GALNT9: variants seen among roughly 807,000 people sequenced by gnomAD.
The protein encoded by GALNT9 is polypeptide N-acetylgalactosaminyltransferase 9, also known as GalNAc transferase 9.
Under a neutral mutation model 63.1 loss-of-function variants are expected in GALNT9, and 47 were observed. The ratio of observed to expected loss-of-function variants is 0.75; its 90% CI spans 0.59 to 0.95. GALNT9 has a LOEUF of 0.95. GALNT9 is among the 40% of genes least tolerant of loss of function. GALNT9 has a pLI of 0.00. For synonymous variants in GALNT9, 396 were observed against 365.7 expected (o/e 1.08, Z -0.94); for missense variants, 829 against 874.8 (o/e 0.95, Z 0.66).
chr12:132,326,022 G>A (rs941222653), intron 1 of GALNT9, among the ~76,000 whole-genome samples: 3 of 152,258 alleles, frequency 2.0e-5, no homozygotes, highest in Admixed American at 6.5e-5. Flanking sequence ...ATGCCTTAGC[G>A]CTGCCCAGGC....
At chr12:132,264,344 G>A (rs1555240008) in intron 2 of GALNT9, among the ~76,000 whole-genome samples, 1 of 152,228 alleles carries the variant, frequency 6.6e-6, no homozygotes, top group African/African-American at 2.4e-5. Flanking sequence ...TCTGCTCTCC[G>A]CTCAGCAGCA....
intron 2 of GALNT9, among the ~76,000 whole-genome samples, chr12:132,267,757 A>ACACACACTCACACACACT (rs146217743): frequency 1.4e-4 from 20 of 144,404 alleles, no homozygotes; most frequent in African/African-American, 5.5e-4. Context: ...ACACACACTC[A>ACACACACTCACACACACT]CACACACATG....
chr12:132,230,209 A>G (rs1482839643), intron 6 of GALNT9, among the ~76,000 whole-genome samples: 1 of 151,748 alleles, frequency 6.6e-6, no homozygotes, highest in Non-Finnish European at 1.5e-5. Flanking sequence ...GAGTCCACGC[A>G]CCCCCTGCCA....
chr12:132,294,854 G>A (rs79659728), intron 1 of GALNT9, among the ~76,000 whole-genome samples: 12,439 of 152,274 alleles, frequency 0.082, 597 homozygotes, highest in Non-Finnish European at 0.1. Flanking sequence ...TGCCGTGGGC[G>A]CCTCGCAGCA....
At chr12:132,250,785 G>A (rs1047840137) in intron 5 of GALNT9, among the ~76,000 whole-genome samples, 16 of 142,008 alleles carry the variant, frequency 1.1e-4, no homozygotes, top group South Asian at 2.3e-4. Context: ...AGGGGATTCC[G>A]TCTCAAACGA....
At chr12:132,199,963 G>A (rs1439742439) in intron 8 of GALNT9, among the ~76,000 whole-genome samples, 1 of 152,036 alleles carries the variant, frequency 6.6e-6, no homozygotes, top group East Asian at 1.9e-4. Flanking sequence ...GTTTGAATTG[G>A]GACCGTTGAG....
rs1034192170 is a variant in GALNT9 at position 132,258,793 on chromosome 12, G to A, written c.762-907C>T. 1.7e-4 allele frequency among the ~76,000 whole-genome samples: 26 copies of A among 152,322 alleles called. 1 individual carries two copies. Among genetic ancestry groups the A allele is most frequent in the Non-Finnish European group, 3.4e-4 (23 of 68,022 alleles). ...GTCCTGGGAAGCAGGTGCAGCCCTCGCCCTTGGAGACGCCATGGTCTACCG... is the reference window on the plus strand; with the variant it reads ...GTCCTGGGAAGCAGGTGCAGCCCTCACCCTTGGAGACGCCATGGTCTACCG... On this transcript the variant is annotated intron_variant, in intron 4 of 10. Coordinates refer to ENST00000328957, the MANE Select transcript of GALNT9 (RefSeq NM_001122636.2).
intron 1 of GALNT9, 79 bp downstream of exon 1, chr12:132,328,887 C>T: frequency 7.2e-7 from 1 of 1,398,092 alleles, no homozygotes; most frequent in Non-Finnish European, 9.3e-7. Flanking sequence ...GCACCCGAGG[C>T]CGGCCTGACC....
intron 7 of GALNT9, among the ~76,000 whole-genome samples, chr12:132,202,654 C>CTT (rs140493169): frequency 0.041 from 6,271 of 152,170 alleles, 424 homozygotes; most frequent in African/African-American, 0.14. Flanking sequence ...AGATCTGGCT[C>CTT]ATTAGGGTTG....
intron 6 of GALNT9, among the ~76,000 whole-genome samples, chr12:132,227,033 C>A (rs1416699055): frequency 6.8e-6 from 1 of 146,836 alleles, no homozygotes; most frequent in Non-Finnish European, 1.5e-5. Flanking sequence ...CATACACACA[C>A]ACACCCACAC....
At chr12:132,229,412 C>T (rs36160753) in intron 6 of GALNT9, among the ~76,000 whole-genome samples, 6,311 of 152,354 alleles carry the variant, frequency 0.041, 184 homozygotes, top group East Asian at 0.089. Flanking sequence ...GAATAACTCG[C>T]TTCCCTTTGA....
chr12:132,317,057 C>T (rs2135588455), intron 1 of GALNT9, among the ~76,000 whole-genome samples: 1 of 151,168 alleles, frequency 6.6e-6, no homozygotes, highest in African/African-American at 2.4e-5. Context: ...CCACAGAGCA[C>T]AGCCTGCACC....
chr12:132,317,171 T>C (rs1868553711), intron 1 of GALNT9, among the ~76,000 whole-genome samples: 1 of 133,944 alleles, frequency 7.5e-6, no homozygotes, highest in South Asian at 2.5e-4. Context: ...GGCCCCATCC[T>C]ACACCCCACA....
chr12:132,274,390 G>C (rs925649353), intron 2 of GALNT9: 2 of 152,144 alleles, frequency 1.3e-5, no homozygotes, highest in Admixed American at 6.5e-5. Context: ...CTCACCCCGT[G>C]CTCAACGTAA....
At chr12:132,277,361 G>A (rs1282052055) in intron 2 of GALNT9, 1 of 155,002 alleles carries the variant, frequency 6.5e-6, no homozygotes, top group Middle Eastern at 5.2e-4. Context: ...GTGTCACCGC[G>A]ATGCCACGTC....
At chr12:132,204,914 G>T (rs549750854) in intron 6 of GALNT9, among the ~76,000 whole-genome samples, 1 of 152,092 alleles carries the variant, frequency 6.6e-6, no homozygotes, top group Non-Finnish European at 1.5e-5. Context: ...CCCAGGGCGG[G>T]CACTGTGCTT....
intron 2 of GALNT9, among the ~76,000 whole-genome samples, chr12:132,267,885 T>TCACACGCA (rs1879694141): frequency 8.0e-6 from 1 of 124,502 alleles, no homozygotes; most frequent in African/African-American, 3.1e-5. Context: ...CCACATGCAC[T>TCACACGCA]CACACGCACA....
In GALNT9 at chr12:132,319,095, C is replaced by T. The variant is rs1437427388; in HGVS notation, c.238+9871G>A. On this transcript the variant is annotated intron_variant, in intron 1 of 10. Coordinates refer to ENST00000328957, the MANE Select transcript of GALNT9 (RefSeq NM_001122636.2). The surrounding 1 kb of genome is among the most constrained non-coding windows in gnomAD (Gnocchi z 5.2). ...ACCGAGCCACCAAGCCTGCAGCGTGCGTGCCTTCATGTGAGGTGTGCTCCC... is the reference window on the plus strand; with the variant it reads ...ACCGAGCCACCAAGCCTGCAGCGTGTGTGCCTTCATGTGAGGTGTGCTCCC... Among the ~76,000 whole-genome samples, 2 of 152,158 alleles carry T rather than the reference C, an allele frequency of 1.3e-5. No homozygotes were observed. The highest frequency in any genetic ancestry group is 6.5e-5 in the Admixed American group (1 of 15,284).
intron 1 of GALNT9, among the ~76,000 whole-genome samples, chr12:132,306,594 C>A (rs1881623589): frequency 6.6e-6 from 1 of 152,226 alleles, no homozygotes; most frequent in Non-Finnish European, 1.5e-5. Flanking sequence ...CCCCCACCTG[C>A]CCCGGCATTG....
Sources: gnomAD v4.1 joint callset for allele counts (sites outside exome capture counted in the v4.1 genomes callset) on GRCh38, gnomAD v4.1.1 for gene constraint, Gnocchi (gnomAD v3.1) non-coding constraint, MANE v1.5 for transcripts, NCBI Gene and HGNC (gene_info 2026-07-23, HGNC 2026-07-21) for gene names.